Variants in BAZ2B observed in about 807,000 individuals in gnomAD.
BAZ2B encodes bromodomain adjacent to zinc finger domain 2B, also known as bromodomain adjacent to zinc finger domain protein 2B.
A neutral mutation model predicts 246.0 loss-of-function variants in BAZ2B; 91 were observed. That is an observed-to-expected ratio of 0.37 (90% CI 0.31 to 0.44). The LOEUF (loss-of-function observed/expected upper bound fraction) is 0.44, where lower values mean the gene tolerates loss of function less well. BAZ2B is among the 20% of genes least tolerant of loss of function. The pLI is 1.00. For missense variants in BAZ2B, 2,332 were observed against 2,533.7 expected, an observed-to-expected ratio of 0.92 and a Z score of 1.71; for synonymous variants, 855 against 860.0, an observed-to-expected ratio of 0.99 and a Z score of 0.10.
At chr2:159,622,705 C>T in the BAZ2B span, among the ~76,000 whole-genome samples, 1 of 152,016 alleles carries the variant, frequency 6.6e-6, no homozygotes, top group African/African-American at 2.4e-5. Context: ...GAGAGATAAG[C>T]AGTCATTTTA....
intron 1 of BAZ2B, among the ~76,000 whole-genome samples, chr2:159,590,013 C>T (rs1267575375): frequency 1.3e-5 from 2 of 151,400 alleles, no homozygotes; most frequent in Admixed American, 1.3e-4. Context: ...GTGGTGAAAC[C>T]CCATCTCTAC....
the BAZ2B span, among the ~76,000 whole-genome samples, chr2:159,675,986 C>A: frequency 6.6e-6 from 1 of 152,194 alleles, no homozygotes; most frequent in African/African-American, 2.4e-5. Context: ...ACCTCCACCC[C>A]CCAGGTTCAG....
chr2:159,352,131 C>G (rs962869756), intron 27 of BAZ2B, among the ~76,000 whole-genome samples: 1 of 152,220 alleles, frequency 6.6e-6, no homozygotes, highest in Non-Finnish European at 1.5e-5. Context: ...CCACTCTTGT[C>G]CTTGATAACT....
the BAZ2B span, among the ~76,000 whole-genome samples, chr2:159,651,177 C>G: frequency 6.6e-6 from 1 of 152,086 alleles, no homozygotes; most frequent in African/African-American, 2.4e-5. Flanking sequence ...TACCATTACT[C>G]TTACATTGTG....
intron 1 of BAZ2B, among the ~76,000 whole-genome samples, chr2:159,613,331 C>G (rs1216615932): frequency 2.0e-5 from 3 of 151,850 alleles, no homozygotes; most frequent in Admixed American, 6.6e-5. Context: ...CATGTGAGAA[C>G]AGTGAAGCTA....
chr2:159,670,961 C>CT, the BAZ2B span: 2 of 152,158 alleles, frequency 1.3e-5, no homozygotes, highest in South Asian at 4.1e-4. Flanking sequence ...GTCTTCTGGC[C>CT]TCTATGTTTC....
downstream of BAZ2B, among the ~76,000 whole-genome samples, chr2:159,318,462 C>A (rs1412625449): frequency 6.6e-6 from 1 of 152,186 alleles, no homozygotes; most frequent in Non-Finnish European, 1.5e-5. Context: ...TTTCTATATT[C>A]TCTCTTCATG....
upstream of BAZ2B, among the ~76,000 whole-genome samples, chr2:159,618,385 TTATAA>T (rs1282199558): frequency 2.0e-5 from 3 of 152,206 alleles, no homozygotes; most frequent in Non-Finnish European, 2.9e-5. Flanking sequence ...AATAATTTCC[TTATAA>T]TATATTATTA....
intron 1 of BAZ2B, among the ~76,000 whole-genome samples, chr2:159,575,565 A>G (rs1355899307): frequency 6.6e-6 from 1 of 152,212 alleles, no homozygotes; most frequent in Non-Finnish European, 1.5e-5. Flanking sequence ...AACTGCTTTT[A>G]AGGTTGGACC....
the BAZ2B span, among the ~76,000 whole-genome samples, chr2:159,639,060 A>G: frequency 2.6e-5 from 4 of 152,304 alleles, no homozygotes; most frequent in Admixed American, 6.5e-5. Flanking sequence ...ACACTTTTCA[A>G]TGGAAACTTA....
intron 2 of BAZ2B, among the ~76,000 whole-genome samples, chr2:159,483,462 A>T (rs1291675984): frequency 6.6e-6 from 1 of 152,042 alleles, no homozygotes; most frequent in Non-Finnish European, 1.5e-5. Flanking sequence ...CGCCTCCCAA[A>T]GTGCTGGGAT....
intron 2 of BAZ2B, among the ~76,000 whole-genome samples, chr2:159,487,351 GT>G (rs1279327511): frequency 6.6e-6 from 1 of 152,050 alleles, no homozygotes; most frequent in Non-Finnish European, 1.5e-5. Context: ...GTGAGATTTT[GT>G]TTAAAGAAAA....
intron 3 of BAZ2B, chr2:159,462,651 C>T: frequency 9.9e-7 from 1 of 1,006,080 alleles, no homozygotes; most frequent in Non-Finnish European, 1.6e-6. Context: ...TGAACACTGC[C>T]ATCTTCGTAA....
chr2:159,637,394 CAT>C, the BAZ2B span, among the ~76,000 whole-genome samples: 1 of 152,300 alleles, frequency 6.6e-6, no homozygotes, highest in Admixed American at 6.5e-5. Flanking sequence ...TTGAACTGAA[CAT>C]CAGCTGTGGC....
intron 2 of BAZ2B, among the ~76,000 whole-genome samples, chr2:159,541,544 G>A (rs1201814789): frequency 6.6e-6 from 1 of 152,090 alleles, no homozygotes; most frequent in Non-Finnish European, 1.5e-5. Flanking sequence ...CTCCCAAAGT[G>A]CTGTGATTAC....
intron 2 of BAZ2B, among the ~76,000 whole-genome samples, chr2:159,491,880 C>T (rs7589942): frequency 0.51 from 77,280 of 151,560 alleles, 20,172 homozygotes; most frequent in South Asian, 0.63. Context: ...ACTATTATAG[C>T]CAACTGTTGC....
At chr2:159,322,344 C>G (rs1346312726) in intron 36 of BAZ2B, among the ~76,000 whole-genome samples, 1 of 152,128 alleles carries the variant, frequency 6.6e-6, no homozygotes, top group African/African-American at 2.4e-5. Flanking sequence ...ACTGTATTAT[C>G]GTCACTTCTA....
chr2:159,690,106 A>G, the BAZ2B span: 1 of 547,552 alleles, frequency 1.8e-6, no homozygotes, highest in Non-Finnish European at 3.0e-6. Flanking sequence ...TCTGCAAATC[A>G]GCAAGACTCA....
rs1029500570 is a variant in BAZ2B, at chr2:159,350,397, G to C, written c.4214-40C>G. ...AGCATTATGAACATCAGTTACTCCAGATCAAACCAATACTGTAATTAAATT... is the reference window on the plus strand; with the variant it reads ...AGCATTATGAACATCAGTTACTCCACATCAAACCAATACTGTAATTAAATT... On this transcript the variant is annotated intron_variant, in intron 27 of 36. Coordinates refer to ENST00000392783, the MANE Select transcript of BAZ2B (RefSeq NM_013450.4). 4.2e-6 allele frequency: 6 copies of C among 1,416,380 alleles called. No individual in the cohort carries two copies. In the African/African-American group the frequency reaches 8.7e-5, roughly 20 times the overall value. The allele number at this position is 1,416,380 out of a possible 1,614,324, so 87.7% of individuals were successfully genotyped here.
Sources: gnomAD v4.1 joint callset for allele counts (sites outside exome capture counted in the v4.1 genomes callset) on GRCh38, gnomAD v4.1.1 for gene constraint, MANE v1.5 for transcripts, NCBI Gene and HGNC (gene_info 2026-07-23, HGNC 2026-07-21) for gene names.